Variants in CSMD3 observed in about 807,000 individuals in gnomAD.
The protein encoded by CSMD3 is CUB and Sushi multiple domains 3.
A neutral mutation model predicts 435.2 loss-of-function variants in CSMD3; 177 were observed. The observed-to-expected ratio is 0.41, with a 90% CI of 0.36 to 0.46. CSMD3 has a LOEUF of 0.46. Among genes scored for constraint, CSMD3 ranks in the 20% least tolerant of loss-of-function variants. The pLI is 0.34. For missense variants in CSMD3, 4,265 were observed against 4,504.6 expected, an observed-to-expected ratio of 0.95 and a Z score of 1.52; for synonymous variants, 1,656 against 1,520.5, an observed-to-expected ratio of 1.09 and a Z score of -2.07.
intron 37 of CSMD3, among the ~76,000 whole-genome samples, chr8:112,382,383 C>T (rs2131247587): frequency 6.6e-6 from 1 of 150,838 alleles, no homozygotes; most frequent in Non-Finnish European, 1.5e-5. Context: ...TGCGATTTTT[C>T]TAAGATTTCT....
chr8:113,250,056 T>C (rs562322178), intron 3 of CSMD3, among the ~76,000 whole-genome samples: 2 of 152,170 alleles, frequency 1.3e-5, no homozygotes, highest in South Asian at 2.1e-4. Flanking sequence ...GGTTCTTTTC[T>C]ATGTCCTCTT....
chr8:112,894,154 A>C (rs770265397), intron 10 of CSMD3, among the ~76,000 whole-genome samples: 16 of 151,474 alleles, frequency 1.1e-4, no homozygotes, highest in Admixed American at 5.3e-4. Context: ...TTACCACTTC[A>C]AGTTCCAAGA....
intron 2 of CSMD3, among the ~76,000 whole-genome samples, chr8:113,282,748 T>C (rs991749686): frequency 1.3e-5 from 2 of 151,976 alleles, no homozygotes; most frequent in Non-Finnish European, 2.9e-5. Flanking sequence ...AAAATTCATA[T>C]GGAACCAAAA....
At chr8:112,839,603 C>G (rs552184303) in intron 11 of CSMD3, among the ~76,000 whole-genome samples, 1 of 151,668 alleles carries the variant, frequency 6.6e-6, no homozygotes, top group Non-Finnish European at 1.5e-5. Flanking sequence ...CGTATATATC[C>G]AAAATATTTT....
At chr8:113,374,339 C>G (rs114188144) in intron 1 of CSMD3, among the ~76,000 whole-genome samples, 3 of 151,882 alleles carry the variant, frequency 2.0e-5, no homozygotes, top group Admixed American at 2.0e-4. Context: ...GCATATATTC[C>G]TTGCATGTTT....
intron 38 of CSMD3, among the ~76,000 whole-genome samples, chr8:112,352,945 TG>T (rs1373899422): frequency 2.8e-5 from 4 of 145,336 alleles, no homozygotes; most frequent in Non-Finnish European, 6.3e-5. Context: ...AAAAATTATT[TG>T]CTATTTTGTC....
intron 5 of CSMD3, among the ~76,000 whole-genome samples, chr8:113,064,826 C>A (rs1232635337): frequency 2.0e-5 from 3 of 152,080 alleles, no homozygotes; most frequent in Admixed American, 2.0e-4. Flanking sequence ...CAGTACATCA[C>A]TGAAGCCATT....
At chr8:112,830,824 T>C (rs1403924374) in intron 11 of CSMD3, among the ~76,000 whole-genome samples, 1 of 151,098 alleles carries the variant, frequency 6.6e-6, no homozygotes, top group African/African-American at 2.4e-5. Context: ...TCTTGCTCTG[T>C]CACTCAGGCT....
chr8:113,349,922 G>C (rs895039510), intron 1 of CSMD3, among the ~76,000 whole-genome samples: 4 of 151,818 alleles, frequency 2.6e-5, no homozygotes, highest in African/African-American at 9.7e-5. Context: ...TTTTCCAATA[G>C]AATGCAACAG....
chr8:112,430,109 C>T (rs1004248589), intron 32 of CSMD3, among the ~76,000 whole-genome samples: 1 of 151,966 alleles, frequency 6.6e-6, no homozygotes, highest in Non-Finnish European at 1.5e-5. Context: ...AAAAGCAAAC[C>T]TGTTTTTGAA....
rs1333535633 is a variant in CSMD3, at chr8:112,341,548, G to A, written c.6581C>T (p.Thr2194Ile). 2.5e-6 allele frequency: 4 copies of A among 1,613,302 alleles called. No homozygotes were observed. The African/African-American group carries it at 5.3e-5, about 22-fold the overall frequency. ...PQIPSSLFST[T>I]HETSLYFHSD... ...GTGAAAATATAAGCTGGTTTCATGG[G>A]TGGTGCTGAATAAGGAAGATGGTAT... Residue 2194 changes from threonine to isoleucine, a missense_variant, in exon 42 of 71, where the codon ACC (threonine) becomes ATC (isoleucine). Physicochemically the swap from Thr to Ile is moderately conservative, Grantham distance 89. Transcript: ENST00000297405.
chr8:113,245,411 TTTATA>T (rs2093266000), intron 3 of CSMD3, among the ~76,000 whole-genome samples: 1 of 152,046 alleles, frequency 6.6e-6, no homozygotes, highest in Non-Finnish European at 1.5e-5. Context: ...TTTATTTTAC[TTTATA>T]TTGAGTTATT....
intron 39 of CSMD3, among the ~76,000 whole-genome samples, chr8:112,351,772 T>G (rs1826158730): frequency 6.6e-6 from 1 of 152,008 alleles, no homozygotes; most frequent in African/African-American, 2.4e-5. Flanking sequence ...TAATTTTTAA[T>G]TTTGCTTTCT....
intron 1 of CSMD3, among the ~76,000 whole-genome samples, chr8:113,337,379 A>C (rs2094084427): frequency 6.6e-6 from 1 of 152,150 alleles, no homozygotes; most frequent in South Asian, 2.1e-4. Flanking sequence ...GGTGACAAGA[A>C]AATTTAATTG....
At chr8:112,311,601 A>T (rs1821984541) in intron 49 of CSMD3, among the ~76,000 whole-genome samples, 1 of 152,216 alleles carries the variant, frequency 6.6e-6, no homozygotes, top group Non-Finnish European at 1.5e-5. Context: ...ATGTTAGGTC[A>T]TACATTTCAT....
At chr8:112,668,414 T>C (rs1328841105) in intron 16 of CSMD3, among the ~76,000 whole-genome samples, 2 of 152,144 alleles carry the variant, frequency 1.3e-5, no homozygotes, top group African/African-American at 2.4e-5. Context: ...CACTCATTCA[T>C]TCAACCTAAT....
intron 1 of CSMD3, among the ~76,000 whole-genome samples, chr8:113,431,980 C>A (rs141447660): frequency 6.6e-6 from 1 of 152,128 alleles, no homozygotes; most frequent in African/African-American, 2.4e-5. Context: ...ACTACTGGAA[C>A]GAAGCCTTTG....
At chr8:113,335,428 C>T (rs2094064884) in intron 1 of CSMD3, among the ~76,000 whole-genome samples, 1 of 150,648 alleles carries the variant, frequency 6.6e-6, no homozygotes, top group Non-Finnish European at 1.5e-5. Context: ...AATTTTGTTT[C>T]AATAATATTT....
At chr8:112,264,508 G>A (rs1816749869) in intron 60 of CSMD3, among the ~76,000 whole-genome samples, 1 of 151,950 alleles carries the variant, frequency 6.6e-6, no homozygotes, top group Non-Finnish European at 1.5e-5. Context: ...AAACATATCT[G>A]AATAGCTTTT....
Sources: allele counts gnomAD v4.1 joint callset (sites outside exome capture counted in the v4.1 genomes callset), GRCh38; gene constraint gnomAD v4.1.1; transcripts MANE v1.5; gene names NCBI Gene and HGNC (gene_info 2026-07-23, HGNC 2026-07-21).